EPHA4: variants seen among roughly 807,000 people sequenced by gnomAD.
EPHA4 encodes the protein EPH receptor A4.
In EPHA4, 19 loss-of-function variants were observed where a neutral mutation model predicts 108.3. The ratio of observed to expected loss-of-function variants is 0.18; its 90% CI spans 0.12 to 0.26. EPHA4 has a LOEUF of 0.26. Ranked by LOEUF, EPHA4 falls within the 10% of genes least tolerant of loss-of-function variation. The pLI is 1.00. For missense variants in EPHA4, 917 were observed against 1,254.0 expected (o/e 0.73, Z 4.06); for synonymous variants, 449 against 455.5 (o/e 0.99, Z 0.18).
intron 3 of EPHA4, among the ~76,000 whole-genome samples, chr2:221,521,891 C>T (rs917756141): frequency 6.6e-6 from 1 of 152,152 alleles, no homozygotes; most frequent in Non-Finnish European, 1.5e-5. Context: ...GCATGAGAAT[C>T]GCTTGAACCC....
At chr2:221,452,237 T>C (rs1367236) in intron 8 of EPHA4, among the ~76,000 whole-genome samples, 130,749 of 152,324 alleles carry the variant, frequency 0.86, 56,261 homozygotes, top group East Asian at 1. Context: ...CATAAACATT[T>C]AGTGATTCTA....
chr2:221,508,060 C>G (rs568130729), intron 3 of EPHA4, among the ~76,000 whole-genome samples: 1 of 152,070 alleles, frequency 6.6e-6, no homozygotes, highest in South Asian at 2.1e-4. Context: ...TCCCTGGACC[C>G]GATGACAACA....
rs1227712057 is a variant in EPHA4 at position 221,426,560 on chromosome 2, C to G, written c.2750G>C (p.Gly917Ala). 1 of 1,614,040 alleles carries G rather than the reference C, an allele frequency of 6.2e-7. No homozygotes were observed. Among genetic ancestry groups the G allele is most frequent in the Non-Finnish European group, 8.5e-7 (1 of 1,180,012 alleles). ...CATTTTAATGGCCTGGAGCCAATCG[C>G]CCACTGATACCACAGCAGAGAATTC... ...SPEFSAVVSV[G>A]DWLQAIKMDR... Residue 917 changes from glycine to alanine, a missense_variant, in exon 16 of 18, where the codon GGC becomes GCC. By Grantham distance (60) the Gly-to-Ala change is moderately conservative. Transcript: ENST00000281821.
chr2:221,446,670 A>G (rs1040837108), intron 8 of EPHA4, among the ~76,000 whole-genome samples: 5 of 152,216 alleles, frequency 3.3e-5, no homozygotes, highest in African/African-American at 9.6e-5. Context: ...CTATAACCAG[A>G]TAACTACTAC....
Position 221,459,795 on chromosome 2 carries a change from G to T in EPHA4, c.1319-1805C>A, listed in dbSNP as rs1278778997. ...GAGCTCTTTAAATTCTGATGTTCAG[G>T]ATTGAGAAATGAAACAGAAAAGTGA... On this transcript the variant is annotated intron_variant, in intron 5 of 17. Coordinates refer to ENST00000281821, the MANE Select transcript of EPHA4 (RefSeq NM_004438.5). 3.3e-5 allele frequency among the ~76,000 whole-genome samples: 5 copies of T among 152,262 alleles called. No individual in the cohort carries two copies. The East Asian group carries it at 9.7e-4, about 29-fold the overall frequency.
chr2:221,442,815 G>T lies in EPHA4; in HGVS notation c.2074+14C>A. 2 of 1,613,542 alleles carry T rather than the reference G, an allele frequency of 1.2e-6. No individual in the cohort carries two copies. Among genetic ancestry groups the T allele is most frequent in the East Asian group, 2.2e-5 (1 of 44,882 alleles). ...ACTTCTAGCTTGGCTTTGTAAAGGG[G>T]GTGACCCACGTACATTTAGTGACCA... On this transcript the variant is annotated intron_variant, in intron 11 of 17. Transcript: ENST00000281821.
intron 5 of EPHA4, among the ~76,000 whole-genome samples, chr2:221,473,565 A>AC (rs1484698134): frequency 6.6e-6 from 1 of 151,334 alleles, no homozygotes; most frequent in African/African-American, 2.4e-5. Context: ...AAAAAAAAAA[A>AC]AAAAAAAAAC....
chr2:221,514,093 G>A (rs200275102), intron 3 of EPHA4, among the ~76,000 whole-genome samples: 1 of 147,108 alleles, frequency 6.8e-6, no homozygotes, highest in Admixed American at 6.8e-5. Context: ...TAAGCCGGGG[G>A]GAGGGGGTTT....
At chr2:221,533,725 CAAAAAAAAAAAAAAA>C (rs144676444) in intron 3 of EPHA4, among the ~76,000 whole-genome samples, 2 of 63,480 alleles carry the variant, frequency 3.2e-5, no homozygotes, top group African/African-American at 1.2e-4. Flanking sequence ...TGACTAGTGT[CAAAAAAAAAAAAAAA>C]AAAAAAAAAA....
chr2:221,460,446 A>C (rs1477948937), intron 5 of EPHA4, among the ~76,000 whole-genome samples: 1 of 152,178 alleles, frequency 6.6e-6, no homozygotes, highest in Non-Finnish European at 1.5e-5. Context: ...GCAAAGTCTA[A>C]ATTCTTTATT....
chr2:221,537,550 G>T (rs942645308), intron 3 of EPHA4, among the ~76,000 whole-genome samples: 2 of 152,238 alleles, frequency 1.3e-5, no homozygotes, highest in African/African-American at 4.8e-5. Context: ...ACTTTGGGAG[G>T]CCAAGGAGGT....
At chr2:221,520,343 T>A (rs1693122028) in intron 3 of EPHA4, among the ~76,000 whole-genome samples, 1 of 152,228 alleles carries the variant, frequency 6.6e-6, no homozygotes. Flanking sequence ...CAGTACCTTT[T>A]CTATCAAGCA....
chr2:221,440,639 T>A, intron 11 of EPHA4, among the ~76,000 whole-genome samples: 1 of 150,330 alleles, frequency 6.7e-6, no homozygotes. Flanking sequence ...ATTCTGAAGA[T>A]GGGGAAAGAT....
chr2:221,430,275 C>T, intron 14 of EPHA4, 124 bp from the exon 15 acceptor site: 3 of 935,210 alleles, frequency 3.2e-6, no homozygotes, highest in Non-Finnish European at 4.8e-6. Context: ...GGAACAGCTC[C>T]AACTCCTTCA....
chr2:221,520,533 CACACACACACAG>C (rs60398384), intron 3 of EPHA4, among the ~76,000 whole-genome samples: 16,125 of 126,388 alleles, frequency 0.13, 957 homozygotes, highest in East Asian at 0.28. Flanking sequence ...CACACACACA[CACACACACACAG>C]AGAGAGAGAG....
chr2:221,496,013 G>A (rs1035044323), intron 4 of EPHA4, among the ~76,000 whole-genome samples: 4 of 152,112 alleles, frequency 2.6e-5, no homozygotes, highest in African/African-American at 9.7e-5. Flanking sequence ...TTTGTCACCT[G>A]GCTTAACCAA....
chr2:221,427,819 G>A (rs980925081), intron 15 of EPHA4, among the ~76,000 whole-genome samples: 4 of 152,002 alleles, frequency 2.6e-5, no homozygotes, highest in African/African-American at 4.8e-5. Flanking sequence ...AATCCAATTC[G>A]ATTTTTAAAA....
intron 4 of EPHA4, among the ~76,000 whole-genome samples, chr2:221,487,075 A>G (rs1315824289): frequency 6.6e-6 from 1 of 152,188 alleles, no homozygotes; most frequent in Non-Finnish European, 1.5e-5. Flanking sequence ...AAAAGTAGAA[A>G]GGGCTATATA....
rs1479033031 is a variant in EPHA4 at position 221,571,895 on chromosome 2, G to T, written c.91+263C>A. Among the ~76,000 whole-genome samples, 2 of 152,108 alleles carry T rather than the reference G, an allele frequency of 1.3e-5. No individual in the cohort carries two copies. The highest frequency in any genetic ancestry group is 2.9e-5 in the Non-Finnish European group (2 of 68,022). On this transcript the variant is annotated intron_variant, in intron 1 of 17. Coordinates refer to ENST00000281821, the MANE Select transcript of EPHA4 (RefSeq NM_004438.5). This position sits in a 1 kb window ranked among gnomAD's most constrained non-coding sequence, Gnocchi z 6.3. ...CAGGGCGCCTCGAGCGGGCCTCTCT[G>T]GCGGATGCTGATAAACTTTGGCCTT...
Sources: allele counts gnomAD v4.1 joint callset (sites outside exome capture counted in the v4.1 genomes callset), GRCh38; gene constraint gnomAD v4.1.1; non-coding constraint Gnocchi (gnomAD v3.1); transcripts MANE v1.5; gene names NCBI Gene and HGNC (gene_info 2026-07-23, HGNC 2026-07-21).